The following ZHX3 variants were observed in gnomAD, a reference collection of about 807,000 sequenced individuals.
ZHX3 encodes the protein zinc fingers and homeoboxes protein 3.
In ZHX3, 20 loss-of-function variants were observed where a neutral mutation model predicts 64.5. That is an observed-to-expected ratio of 0.31 (90% confidence interval 0.22 to 0.45). ZHX3 has a LOEUF of 0.45. Ranked by LOEUF, ZHX3 falls within the 20% of genes least tolerant of loss-of-function variation. ZHX3 has a pLI of 1.00. For synonymous variants in ZHX3, 423 were observed against 461.6 expected (o/e 0.92, Z 1.07); for missense variants, 1,041 against 1,195.8 (o/e 0.87, Z 1.91).
At chr20:41,237,339 A>G (rs1406120715) in intron 2 of ZHX3, among the ~76,000 whole-genome samples, 3 of 152,214 alleles carry the variant, frequency 2.0e-5, no homozygotes, top group African/African-American at 7.2e-5. Context: ...CACTATTCAC[A>G]ATAACAAAGA....
intron 2 of ZHX3, among the ~76,000 whole-genome samples, chr20:41,209,218 T>C (rs1444683324): frequency 2.0e-5 from 3 of 152,204 alleles, no homozygotes; most frequent in South Asian, 4.1e-4. Flanking sequence ...GAACATTCCA[T>C]GCTCATGGAT....
At chr20:41,217,917 C>A (rs2039643486) in intron 2 of ZHX3, among the ~76,000 whole-genome samples, 1 of 152,216 alleles carries the variant, frequency 6.6e-6, no homozygotes, top group South Asian at 2.1e-4. Context: ...ACATCCACTA[C>A]CTGTAACTAT....
chr20:41,222,671 T>G (rs532219380), intron 2 of ZHX3, among the ~76,000 whole-genome samples: 1 of 152,322 alleles, frequency 6.6e-6, no homozygotes, highest in Admixed American at 6.5e-5. Flanking sequence ...CCTTTCAAAG[T>G]TAAACATGTT....
At chr20:41,243,748 A>G (rs1478572297) in intron 2 of ZHX3, among the ~76,000 whole-genome samples, 2 of 152,064 alleles carry the variant, frequency 1.3e-5, no homozygotes, top group African/African-American at 2.4e-5. Context: ...TCTACTCTCA[A>G]AGGAGAAAGA....
intron 2 of ZHX3, among the ~76,000 whole-genome samples, chr20:41,242,046 G>GT (rs1190961044): frequency 6.6e-6 from 1 of 151,946 alleles, no homozygotes; most frequent in East Asian, 1.9e-4. Flanking sequence ...AAATATTTGA[G>GT]TGCTACTAGA....
At chr20:41,248,749 G>A (rs566163220) in intron 2 of ZHX3, among the ~76,000 whole-genome samples, 6 of 152,270 alleles carry the variant, frequency 3.9e-5, no homozygotes, top group African/African-American at 1.2e-4. Flanking sequence ...AGTGTTTGAC[G>A]ATGCCAGTTT....
chr20:41,258,534 C>G (rs1364989187), intron 2 of ZHX3, among the ~76,000 whole-genome samples: 1 of 152,156 alleles, frequency 6.6e-6, no homozygotes, highest in Non-Finnish European at 1.5e-5. Context: ...TTCTTGACAA[C>G]TTTTAAGAGT....
At chr20:41,186,314 G>C (rs771642887) in intron 3 of ZHX3, among the ~76,000 whole-genome samples, 1 of 152,194 alleles carries the variant, frequency 6.6e-6, no homozygotes, top group Admixed American at 6.5e-5. Context: ...GTCCATCCAT[G>C]TTGTAGGATA....
chr20:41,213,461 C>T (rs1284371218), intron 2 of ZHX3, among the ~76,000 whole-genome samples: 1 of 152,106 alleles, frequency 6.6e-6, no homozygotes, highest in Non-Finnish European at 1.5e-5. Flanking sequence ...TACTGTGGCC[C>T]TAGAGAAGCT....
intron 2 of ZHX3, among the ~76,000 whole-genome samples, chr20:41,211,008 A>T (rs1186706843): frequency 2.0e-5 from 3 of 152,174 alleles, no homozygotes; most frequent in Non-Finnish European, 2.9e-5. Flanking sequence ...AATAAAATAG[A>T]TTGACTTCAC....
intron 2 of ZHX3, among the ~76,000 whole-genome samples, chr20:41,208,263 C>A (rs1192013540): frequency 6.6e-6 from 1 of 152,176 alleles, no homozygotes; most frequent in Non-Finnish European, 1.5e-5. Flanking sequence ...ACCACAGGTA[C>A]AAAGAGGAGC....
intron 1 of ZHX3, among the ~76,000 whole-genome samples, chr20:41,306,192 G>A (rs981586774): frequency 3.3e-5 from 5 of 152,036 alleles, no homozygotes; most frequent in Admixed American, 6.5e-5. Context: ...TTGGGGATGC[G>A]ACGCATTCTC....
intron 1 of ZHX3, among the ~76,000 whole-genome samples, chr20:41,316,024 AC>A (rs1290451022): frequency 4.0e-5 from 6 of 151,772 alleles, no homozygotes; most frequent in South Asian, 2.1e-4. Context: ...AAAAAAAAAA[AC>A]AAACTCAAAA....
chr20:41,286,633 T>C (rs555389633), intron 1 of ZHX3, among the ~76,000 whole-genome samples: 1 of 152,322 alleles, frequency 6.6e-6, no homozygotes, highest in Admixed American at 6.5e-5. Context: ...ATCCTTTCCA[T>C]GGGCTAAAAG....
At chr20:41,192,741 C>T (rs1431775117) in intron 3 of ZHX3, among the ~76,000 whole-genome samples, 1 of 152,228 alleles carries the variant, frequency 6.6e-6, no homozygotes, top group African/African-American at 2.4e-5. Context: ...GGGGGGTGGG[C>T]TTTAAATGGC....
intron 3 of ZHX3, among the ~76,000 whole-genome samples, chr20:41,191,200 T>C (rs2036984098): frequency 6.6e-6 from 1 of 151,490 alleles, no homozygotes; most frequent in African/African-American, 2.4e-5. Context: ...TTGTGTCCCA[T>C]ATGTCACAAA....
At chr20:41,265,428 C>G (rs569830427) in intron 2 of ZHX3, among the ~76,000 whole-genome samples, 1 of 152,226 alleles carries the variant, frequency 6.6e-6, no homozygotes, top group Admixed American at 6.5e-5. Context: ...TCTCAAACTC[C>G]CGACCTCAGA....
chr20:41,296,642 C>G (rs1363386061), intron 1 of ZHX3, among the ~76,000 whole-genome samples: 1 of 152,220 alleles, frequency 6.6e-6, no homozygotes. Context: ...CAGATGCCCA[C>G]TCCAACTTTC....
chr20:41,235,515 A>C (rs1343000090), intron 2 of ZHX3, among the ~76,000 whole-genome samples: 1 of 152,232 alleles, frequency 6.6e-6, no homozygotes, highest in Non-Finnish European at 1.5e-5. Context: ...AACCAAAGAC[A>C]AAAACCACAT....
Sources: allele counts gnomAD v4.1 joint callset (sites outside exome capture counted in the v4.1 genomes callset), GRCh38; gene constraint gnomAD v4.1.1; transcripts MANE v1.5; gene names NCBI Gene and HGNC (gene_info 2026-07-23, HGNC 2026-07-21).